The following WDR64 variants were observed in gnomAD, a reference collection of about 807,000 sequenced individuals.
WDR64 encodes WD repeat domain 64.
WDR64 carries 112 observed loss-of-function variants against 139.3 expected under a neutral mutation model. That is an observed-to-expected ratio of 0.80 (90% confidence interval 0.69 to 0.94). WDR64 has a LOEUF of 0.94. Among genes scored for constraint, WDR64 ranks in the 40% least tolerant of loss-of-function variants. The pLI is 0.00. For synonymous variants in WDR64, 444 were observed against 437.7 expected, an observed-to-expected ratio of 1.01 and a Z score of -0.18; for missense variants, 1,206 against 1,293.1, an observed-to-expected ratio of 0.93 and a Z score of 1.03.
At chr1:241,744,138 C>T (rs1187386857) in intron 12 of WDR64, among the ~76,000 whole-genome samples, 2 of 152,246 alleles carry the variant, frequency 1.3e-5, no homozygotes, top group African/African-American at 4.8e-5. Flanking sequence ...CCACTTCTTC[C>T]ATGGCCAGGG....
intron 10 of WDR64, among the ~76,000 whole-genome samples, chr1:241,737,885 A>G (rs186457620): frequency 1.3e-5 from 2 of 152,304 alleles, no homozygotes; most frequent in East Asian, 1.9e-4. Context: ...ATTCTTACAT[A>G]TCTGGGCAAA....
chr1:241,771,561 A>G, intron 18 of WDR64, 100 bp from the exon 19 acceptor site: 1 of 844,132 alleles, frequency 1.2e-6, no homozygotes, highest in Non-Finnish European at 1.7e-6. Context: ...AGTAATGCTT[A>G]GAAATGAAAA....
At chr1:241,745,783 C>T (rs2148253762) in intron 13 of WDR64, among the ~76,000 whole-genome samples, 1 of 152,066 alleles carries the variant, frequency 6.6e-6, no homozygotes, top group African/African-American at 2.4e-5. Context: ...TCCAGGACAC[C>T]CTGGGAAGTG....
chr1:241,724,270 A>C (rs1393215749), intron 10 of WDR64, among the ~76,000 whole-genome samples: 2 of 152,170 alleles, frequency 1.3e-5, no homozygotes, highest in Non-Finnish European at 2.9e-5. Flanking sequence ...GCCAAGTTTA[A>C]AGTTAATGTA....
chr1:241,720,390 C>T (rs2148193753), intron 9 of WDR64, among the ~76,000 whole-genome samples: 1 of 152,232 alleles, frequency 6.6e-6, no homozygotes, highest in South Asian at 2.1e-4. Context: ...CTGCCTTCCA[C>T]AGTGGTTGAA....
chr1:241,682,640 A>AT (rs939864783), intron 6 of WDR64, among the ~76,000 whole-genome samples: 2 of 151,834 alleles, frequency 1.3e-5, no homozygotes, highest in East Asian at 1.9e-4. Flanking sequence ...GAATTTTAGG[A>AT]TTTTTTTTCT....
chr1:241,670,872 AT>A (rs1666198654), intron 2 of WDR64, among the ~76,000 whole-genome samples: 1 of 152,200 alleles, frequency 6.6e-6, no homozygotes, highest in African/African-American at 2.4e-5. Context: ...AGTGTCTTCC[AT>A]GAAACTGGTG....
intron 11 of WDR64, among the ~76,000 whole-genome samples, chr1:241,739,667 G>A (rs4129808): frequency 0.025 from 3,872 of 152,128 alleles, 175 homozygotes; most frequent in African/African-American, 0.089. Flanking sequence ...TAGTCACTAA[G>A]GACTCAAATA....
rs1031949182 is a variant in WDR64, at chr1:241,700,078, G to A, written c.975-11724G>A. On this transcript the variant is annotated intron_variant, in intron 8 of 27. Coordinates refer to ENST00000437684, the MANE Select transcript of WDR64 (RefSeq NM_001367482.1). ...GCTTGGGCTTAACCAGTGGAAGTAGGGACAGAGAGAGAACAGATATTCTTG... is the reference window on the plus strand; with the variant it reads ...GCTTGGGCTTAACCAGTGGAAGTAGAGACAGAGAGAGAACAGATATTCTTG... Among the ~76,000 whole-genome samples, 3 of 151,088 alleles carry A rather than the reference G, an allele frequency of 2.0e-5. No individual in the cohort carries two copies. The South Asian group carries it at 6.3e-4, about 32-fold the overall frequency.
At position 241,679,466 on chromosome 1, in the gene WDR64, T is replaced by A. The variant is rs1372662261; in HGVS notation, c.514-19T>A. The stretch of plus-strand genomic sequence containing the variant: ...GAAGGAAATGCATTATATCCCCCAA[T>A]TCTCTGCTTTTCTATCAGGACACCT... On this transcript the variant is annotated intron_variant, in intron 5 of 27. Coordinates refer to ENST00000437684, the MANE Select transcript of WDR64 (RefSeq NM_001367482.1). 6.5e-7 allele frequency: 1 copy of A among 1,546,320 alleles called. No homozygotes were observed. The highest frequency in any genetic ancestry group is 1.2e-5 in the South Asian group (1 of 83,908).
chr1:241,742,527 T>C (rs1669588018), intron 12 of WDR64, among the ~76,000 whole-genome samples: 2 of 152,296 alleles, frequency 1.3e-5, no homozygotes, highest in Non-Finnish European at 2.9e-5. Flanking sequence ...ACCAGCACCA[T>C]GACAGTTTAC....
rs114696386 is a variant in WDR64, at chr1:241,676,660, G to A, written c.484-1527G>A. Among the ~76,000 whole-genome samples the A allele has an allele frequency of 9.0e-3, 1,366 of 151,920 alleles. 18 individuals are homozygous for A. The highest frequency in any genetic ancestry group is 0.031 in the African/African-American group (1,284 of 41,412). The stretch of plus-strand genomic sequence containing the variant: ...CATACACACAAAAGCTTACAGATGG[G>A]CACGTGTATACTCACAAACGTGCAA... On this transcript the variant is annotated intron_variant, in intron 4 of 27. Transcript: ENST00000437684.
intron 21 of WDR64, among the ~76,000 whole-genome samples, chr1:241,779,530 TA>T (rs758703838): frequency 3.3e-5 from 5 of 152,194 alleles, no homozygotes; most frequent in East Asian, 1.9e-4. Flanking sequence ...TTTCTACACA[TA>T]AAAATGAATA....
At chr1:241,731,519 T>C (rs1370292426) in intron 10 of WDR64, among the ~76,000 whole-genome samples, 1 of 152,198 alleles carries the variant, frequency 6.6e-6, no homozygotes, top group Admixed American at 6.5e-5. Context: ...TCAAGAGATT[T>C]GCCCAAGTGC....
chr1:241,694,708 A>C (rs2148131864), intron 8 of WDR64, among the ~76,000 whole-genome samples: 1 of 152,308 alleles, frequency 6.6e-6, no homozygotes, highest in South Asian at 2.1e-4. Flanking sequence ...ATCCAGAGAA[A>C]ACATGTTCAT....
At chr1:241,697,305 C>G (rs2148137564) in intron 8 of WDR64, among the ~76,000 whole-genome samples, 1 of 152,298 alleles carries the variant, frequency 6.6e-6, no homozygotes, top group Middle Eastern at 3.4e-3. Flanking sequence ...CACATCATAC[C>G]TTTCAAAATT....
chr1:241,762,038 T>C (rs374536875), intron 15 of WDR64, among the ~76,000 whole-genome samples: 9 of 152,362 alleles, frequency 5.9e-5, no homozygotes, highest in South Asian at 4.1e-4. Flanking sequence ...AATGTCTTAA[T>C]GGCATCTAGA....
intron 13 of WDR64, among the ~76,000 whole-genome samples, chr1:241,746,309 T>C (rs1213102842): frequency 1.3e-5 from 2 of 152,114 alleles, no homozygotes; most frequent in African/African-American, 4.8e-5. Flanking sequence ...CACTGGAGTC[T>C]GAATCTGAGG....
chr1:241,676,205 CG>C (rs1348208849), intron 4 of WDR64: 1 of 152,106 alleles, frequency 6.6e-6, no homozygotes, highest in East Asian at 1.9e-4. Flanking sequence ...AGAGTGTGGG[CG>C]TGGAGTCTGG....
Sources: gnomAD v4.1 joint callset for allele counts (sites outside exome capture counted in the v4.1 genomes callset) on GRCh38, gnomAD v4.1.1 for gene constraint, MANE v1.5 for transcripts, NCBI Gene and HGNC (gene_info 2026-07-23, HGNC 2026-07-21) for gene names.